Variants in ARHGAP6 observed in about 807,000 individuals in gnomAD.
ARHGAP6 encodes the protein Rho GTPase activating protein 6.
A neutral mutation model predicts 55.7 loss-of-function variants in ARHGAP6; 16 were observed. The ratio of observed to expected loss-of-function variants is 0.29; its 90% CI spans 0.19 to 0.44. The LOEUF (loss-of-function observed/expected upper bound fraction) is 0.44. Among genes scored for constraint, ARHGAP6 ranks in the 20% least tolerant of loss-of-function variants. The pLI is 1.00. For synonymous variants in ARHGAP6, 382 were observed against 360.9 expected (o/e 1.06, Z -0.66); for missense variants, 698 against 808.9 (o/e 0.86, Z 1.66).
chrX:11,211,309 C>T (rs866815963), intron 2 of ARHGAP6, among the ~76,000 whole-genome samples: 160 of 105,996 alleles, frequency 1.5e-3, no homozygotes, highest in Non-Finnish European at 2.4e-3. Context: ...GCAAGCTCCG[C>T]CTCCTGGGTT....
intron 1 of ARHGAP6, among the ~76,000 whole-genome samples, chrX:11,517,857 A>C (rs753056652): frequency 3.1e-4 from 34 of 111,027 alleles, no homozygotes; most frequent in African/African-American, 1.1e-3. Context: ...CAGGATAAAT[A>C]ACTAACGCAT....
intron 1 of ARHGAP6, among the ~76,000 whole-genome samples, chrX:11,634,531 A>T (rs949401427): frequency 2.7e-5 from 3 of 111,701 alleles, no homozygotes; most frequent in Non-Finnish European, 5.6e-5. Flanking sequence ...ATGTATGAGG[A>T]TGTTCACTTT....
At chrX:11,566,507 G>A (rs998376311) in intron 1 of ARHGAP6, among the ~76,000 whole-genome samples, 4 of 112,049 alleles carry the variant, frequency 3.6e-5, no homozygotes, top group Non-Finnish European at 5.6e-5. Context: ...TGAATAAAAT[G>A]TTTATGTTAA....
intron 1 of ARHGAP6, among the ~76,000 whole-genome samples, chrX:11,273,305 A>C (rs1291989653): frequency 9.0e-6 from 1 of 110,622 alleles, no homozygotes; most frequent in Non-Finnish European, 1.9e-5. Context: ...ATTATTAAAA[A>C]TTTTTATTTT....
chrX:11,369,400 G>A lies in ARHGAP6; in HGVS notation c.589-114693C>T, dbSNP rs1301064374. Reference sequence around the variant, plus strand: ...ACTGTTGGGCTGAGGACAGCACTTTGAGTAACAAGGGTCTCCAAGTTTTCC... The same window carrying A: ...ACTGTTGGGCTGAGGACAGCACTTTAAGTAACAAGGGTCTCCAAGTTTTCC... On this transcript the variant is annotated intron_variant, in intron 1 of 12. Transcript: ENST00000337414. 2.7e-5 allele frequency among the ~76,000 whole-genome samples: 3 copies of A among 110,914 alleles called. No homozygotes were observed. In the East Asian group the frequency reaches 8.5e-4, roughly 31 times the overall value.
intron 1 of ARHGAP6, among the ~76,000 whole-genome samples, chrX:11,644,115 G>A (rs1422817103): frequency 9.0e-6 from 1 of 111,398 alleles, no homozygotes; most frequent in East Asian, 2.8e-4. Context: ...TAGGTTCTTA[G>A]AAGCTAACTC....
chrX:11,265,315 C>T (rs1486707583), intron 1 of ARHGAP6, among the ~76,000 whole-genome samples: 1 of 112,351 alleles, frequency 8.9e-6, no homozygotes, highest in African/African-American at 3.2e-5. Flanking sequence ...ATCACAGCCA[C>T]AGCAACTAAA....
At chrX:11,629,762 TAA>T (rs2052340307) in intron 1 of ARHGAP6, among the ~76,000 whole-genome samples, 1 of 110,953 alleles carries the variant, frequency 9.0e-6, no homozygotes, top group Admixed American at 9.7e-5. Flanking sequence ...CACACACCCT[TAA>T]GAGTTCCCTG....
At chrX:11,554,387 C>T (rs931913872) in intron 1 of ARHGAP6, among the ~76,000 whole-genome samples, 1 of 111,527 alleles carries the variant, frequency 9.0e-6, no homozygotes, top group Non-Finnish European at 1.9e-5. Context: ...TAGCAGAGTA[C>T]GGTGACCATA....
In ARHGAP6 at chrX:11,660,066, C is replaced by T. The variant is rs7066991; in HGVS notation, c.588+4175G>A. On this transcript the variant is annotated intron_variant, in intron 1 of 12. Coordinates refer to ENST00000337414, the MANE Select transcript of ARHGAP6 (RefSeq NM_013427.3). ...AACTCCTGAGATGAGCACAGTGAGA[C>T]GCTTCGTAATTACCACTATCCTACC... is the stretch of plus-strand genomic sequence containing the variant. Among the ~76,000 whole-genome samples the T allele has an allele frequency of 5.0e-3, 560 of 111,593 alleles. 1 individual carries two copies. Among genetic ancestry groups the T allele is most frequent in the African/African-American group, 0.017 (537 of 30,687 alleles).
intron 1 of ARHGAP6, among the ~76,000 whole-genome samples, chrX:11,541,290 T>A (rs757134078): frequency 9.0e-6 from 1 of 111,348 alleles, no homozygotes; most frequent in Admixed American, 9.5e-5. Context: ...TAGGATTGGC[T>A]AGCTTGAATA....
At chrX:11,573,104 G>A (rs1326170654) in intron 1 of ARHGAP6, among the ~76,000 whole-genome samples, 2 of 111,330 alleles carry the variant, frequency 1.8e-5, no homozygotes, top group African/African-American at 3.3e-5. Context: ...CAGATGAGTA[G>A]GTTGCGAAAA....
At chrX:11,215,411 G>A (rs1347260020) in intron 2 of ARHGAP6, among the ~76,000 whole-genome samples, 4 of 113,201 alleles carry the variant, frequency 3.5e-5, no homozygotes, top group African/African-American at 1.3e-4. Flanking sequence ...GCAGCTGCGA[G>A]CTCTGCGGCC....
chrX:11,376,401 A>C (rs1236555061), intron 1 of ARHGAP6, among the ~76,000 whole-genome samples: 1 of 112,915 alleles, frequency 8.9e-6, no homozygotes, highest in African/African-American at 3.2e-5. Context: ...ATGGAAGAAA[A>C]GCACAAAGGC....
chrX:11,164,356 C>G (rs2045988550), intron 9 of ARHGAP6, among the ~76,000 whole-genome samples: 1 of 111,755 alleles, frequency 8.9e-6, no homozygotes, highest in African/African-American at 3.3e-5. Context: ...ATGAGTAGCC[C>G]AACCCTGGCA....
intron 1 of ARHGAP6, among the ~76,000 whole-genome samples, chrX:11,569,638 C>T (rs966934948): frequency 7.1e-5 from 8 of 111,903 alleles, no homozygotes; most frequent in African/African-American, 2.6e-4. Context: ...GATGTCTGCA[C>T]CATAGTGGCC....
intron 1 of ARHGAP6, among the ~76,000 whole-genome samples, chrX:11,574,255 A>G (rs1164918369): frequency 9.0e-5 from 10 of 111,432 alleles, no homozygotes; most frequent in South Asian, 3.8e-4. Context: ...TACCAAAGCC[A>G]GGCAGAGACA....
chrX:11,189,466 C>G (rs989433300), intron 3 of ARHGAP6, among the ~76,000 whole-genome samples: 1 of 111,966 alleles, frequency 8.9e-6, no homozygotes, highest in Non-Finnish European at 1.9e-5. Context: ...ACTGAATACA[C>G]TTTGAGGTTC....
At chrX:11,448,989 G>A (rs770811389) in intron 1 of ARHGAP6, among the ~76,000 whole-genome samples, 7 of 111,490 alleles carry the variant, frequency 6.3e-5, no homozygotes, top group East Asian at 2.8e-4. Context: ...AGTTTGGTGC[G>A]GGAGGCTGGG....
Sources: gnomAD v4.1 joint callset for allele counts (sites outside exome capture counted in the v4.1 genomes callset) on GRCh38, gnomAD v4.1.1 for gene constraint, MANE v1.5 for transcripts, NCBI Gene and HGNC (gene_info 2026-07-23, HGNC 2026-07-21) for gene names.